RIF1: variants seen among roughly 807,000 people sequenced by gnomAD.
RIF1 encodes the protein telomere-associated protein RIF1.
Under a neutral mutation model 247.1 loss-of-function variants are expected in RIF1, and 45 were observed. The observed-to-expected ratio is 0.18, with a 90% CI of 0.14 to 0.23. RIF1 has a LOEUF of 0.23. RIF1 is among the 10% of genes least tolerant of loss of function. RIF1 has a pLI of 1.00. For missense variants in RIF1, 2,967 were observed against 2,862.5 expected (o/e 1.04, Z -0.83); for synonymous variants, 1,087 against 978.8 (o/e 1.11, Z -2.06).
rs1311966739 is a variant in RIF1 at position 151,416,830 on chromosome 2, A to G, written c.432A>G (p.Leu144=). Residue 144 remains leucine (L), a synonymous_variant, in exon 6 of 36, where the codon TTA becomes TTG. Coordinates refer to ENST00000444746, the MANE Select transcript of RIF1 (RefSeq NM_018151.5). The stretch of plus-strand genomic sequence containing the variant: ...AGGTATCCAGTATAATTGATTCATT[A>G]GAAATACTGTTTAACAAAGGAGAGA... The part of the protein sequence containing the change: ...GKMVSSIIDS[L]EILFNKGETH... 1.9e-6 allele frequency: 3 copies of G among 1,612,138 alleles called. No individual in the cohort carries two copies. Among genetic ancestry groups the G allele is most frequent in the Non-Finnish European group, 2.5e-6 (3 of 1,178,908 alleles).
intron 11 of RIF1, 21 bp from the exon 12 acceptor site, chr2:151,436,806 C>CTTTTTTTTTTTTTTTTTTTTT: frequency 8.2e-7 from 1 of 1,222,946 alleles, no homozygotes; most frequent in Non-Finnish European, 1.1e-6. Flanking sequence ...TGACTTAACT[C>CTTTTTTTTTTTTTTTTTTTTT]TTTTTTTTTT....
rs778711610 is a variant in RIF1, at chr2:151,441,901, A to G, written c.1648-4A>G. 8.9e-6 allele frequency: 13 copies of G among 1,453,534 alleles called. No individual in the cohort carries two copies. The highest frequency in any genetic ancestry group is 6.1e-5 in the South Asian group (5 of 82,054). 90.0% of individuals were successfully genotyped at this position (1,453,534 alleles called of 1,614,324 possible). Reference sequence around the variant, plus strand: ...TTTACTGTAAAACCTTTTATCTCTCATAGGTCCTCATGGAAATTACAATTA... The same window carrying G: ...TTTACTGTAAAACCTTTTATCTCTCGTAGGTCCTCATGGAAATTACAATTA... On this transcript the variant is annotated splice_polypyrimidine_tract_variant and splice_region_variant and intron_variant, in intron 15 of 35. Transcript: ENST00000444746.
At chr2:151,440,358 A>G (rs1183051769) in intron 15 of RIF1, among the ~76,000 whole-genome samples, 2 of 152,212 alleles carry the variant, frequency 1.3e-5, no homozygotes, top group Admixed American at 6.6e-5. Flanking sequence ...GTAAGAAAAA[A>G]GTATCCGCCA....
At chr2:151,449,726 C>G (rs1693936308) in intron 20 of RIF1, among the ~76,000 whole-genome samples, 1 of 139,342 alleles carries the variant, frequency 7.2e-6, no homozygotes, top group Non-Finnish European at 1.6e-5. Context: ...TACTACACAG[C>G]TTTTTACTTT....
In RIF1 at chr2:151,411,300, A is replaced by G. The variant is rs1288858886; in HGVS notation, c.145A>G (p.Ile49Val). ...AGAAGGAAAAGAAGTAATTACAGAA[A>G]TTGAGAAAAAACTTCCTCGGCTGTA... ...GEEGKEVITE[I>V]EKKLPRLYKV... is the part of the protein sequence containing the mutation. The change falls in exon 3 of 36, where the codon ATT (isoleucine) becomes GTT (valine). Residue 49 changes from isoleucine to valine, a missense_variant. Transcript: ENST00000444746. The G allele has an allele frequency of 2.5e-6, 4 of 1,605,268 alleles. No individual in the cohort carries two copies. Among genetic ancestry groups the G allele is most frequent in the Non-Finnish European group, 3.4e-6 (4 of 1,174,332 alleles).
chr2:151,525,832 AC>A, the RIF1 span: 5 of 793,420 alleles, frequency 6.3e-6, no homozygotes, highest in Non-Finnish European at 1.1e-5. Context: ...TTTAAGATTC[AC>A]ATGTAGATAT....
chr2:151,411,432 T>C (rs566104276), intron 3 of RIF1, 94 bp downstream of exon 3: 1 of 787,914 alleles, frequency 1.3e-6, no homozygotes, highest in East Asian at 2.6e-5. Flanking sequence ...GTTTTGCTCT[T>C]GTTGCCCAGG....
At chr2:151,513,478 G>T in the RIF1 span, 4 of 802,072 alleles carry the variant, frequency 5.0e-6, no homozygotes, top group Non-Finnish European at 8.1e-6. Context: ...GCCATTGTAT[G>T]CATGTGACTG....
At chr2:151,500,147 A>G (rs2063334935) in intron 11 of RIF1, among the ~76,000 whole-genome samples, 1 of 152,214 alleles carries the variant, frequency 6.6e-6, no homozygotes, top group Non-Finnish European at 1.5e-5. Flanking sequence ...ACATATTAAC[A>G]TTGAAAATTT....
chr2:151,425,519 T>A (rs929587871), intron 8 of RIF1, among the ~76,000 whole-genome samples: 1 of 152,120 alleles, frequency 6.6e-6, no homozygotes, highest in African/African-American at 2.4e-5. Context: ...AGATCTTGAA[T>A]GTAGATCTTT....
chr2:151,520,568 T>C, the RIF1 span, among the ~76,000 whole-genome samples: 3 of 152,162 alleles, frequency 2.0e-5, no homozygotes, highest in Admixed American at 6.5e-5. Flanking sequence ...AGGTAAAATA[T>C]CTAAAGAGGA....
Position 151,420,196 on chromosome 2 carries a change from T to A in RIF1, c.510T>A (p.Ile170=). ...ATTGATTTCTCTATTATAGGCTAAT[T>A]GAACAAGCCCCAATTCAAATGGGAG... ...FEALNVIVRL[I]EQAPIQMGEE... Residue 170 remains isoleucine (I), a synonymous_variant, in exon 7 of 36, where the codon ATT becomes ATA. Coordinates refer to ENST00000444746, the MANE Select transcript of RIF1 (RefSeq NM_018151.5). The A allele has an allele frequency of 5.0e-6, 8 of 1,612,772 alleles. No homozygotes were observed. Among genetic ancestry groups the A allele is most frequent in the Non-Finnish European group, 6.8e-6 (8 of 1,178,962 alleles).
chr2:151,512,476 C>T (rs1192792528), downstream of RIF1, among the ~76,000 whole-genome samples: 2 of 152,106 alleles, frequency 1.3e-5, no homozygotes, highest in African/African-American at 2.4e-5. Flanking sequence ...GCGTGCACCA[C>T]CACACCTGGC....
chr2:151,501,724 G>GACTT (rs1468286103), intron 11 of RIF1, among the ~76,000 whole-genome samples: 5 of 152,078 alleles, frequency 3.3e-5, no homozygotes, highest in African/African-American at 1.2e-4. Flanking sequence ...GGAGTGGCTT[G>GACTT]ACTTATGTAG....
chr2:151,522,027 A>G, the RIF1 span, among the ~76,000 whole-genome samples: 3 of 152,230 alleles, frequency 2.0e-5, no homozygotes, highest in Admixed American at 6.5e-5. Context: ...CCCATTAACC[A>G]TGGGAGCTAA....
At chr2:151,490,404 T>TC in intron 9 of RIF1, 1 of 1,595,618 alleles carries the variant, frequency 6.3e-7, no homozygotes, top group East Asian at 2.3e-5. Flanking sequence ...CCCGTCGCTG[T>TC]AAGTCGAAAG....
In RIF1 at chr2:151,477,715, C is replaced by CTT; in HGVS notation, c.*2653_*2654dup. The CTT allele has an allele frequency of 6.9e-6, 1 of 144,562 alleles. No homozygotes were observed. Among genetic ancestry groups the CTT allele is most frequent in the Non-Finnish European group, 1.5e-5 (1 of 65,764 alleles). The allele number at this position is 144,562 out of a possible 1,614,324, so 9.0% of individuals were successfully genotyped here. ...GTGAGCCACCCCACCTGGCCATTTT[C>CTT]TTTTTTTTTTGAGGTGGAGTTTTCG... On this transcript the variant is annotated 3_prime_UTR_variant, in exon 36 of 36. Transcript: ENST00000444746.
chr2:151,496,944 G>C (rs765157375), intron 10 of RIF1: 1 of 1,571,852 alleles, frequency 6.4e-7, no homozygotes, highest in Non-Finnish European at 8.7e-7. Flanking sequence ...CAAGTACCGA[G>C]CTAATATTTT....
At chr2:151,433,287 C>A in intron 10 of RIF1, 59 bp downstream of exon 10, 1 of 1,354,156 alleles carries the variant, frequency 7.4e-7, no homozygotes, top group South Asian at 1.3e-5. Context: ...TTCTTAAATT[C>A]TTACCAATGT....
Sources: allele counts gnomAD v4.1 joint callset (sites outside exome capture counted in the v4.1 genomes callset), GRCh38; gene constraint gnomAD v4.1.1; transcripts MANE v1.5; gene names NCBI Gene and HGNC (gene_info 2026-07-23, HGNC 2026-07-21).